DNAH14: variants seen among roughly 807,000 people sequenced by gnomAD.
DNAH14 encodes the protein dynein axonemal heavy chain 14.
DNAH14 carries 478 observed loss-of-function variants against 520.9 expected under a neutral mutation model. The observed-to-expected ratio is 0.92, with a 90% confidence interval of 0.85 to 0.99. The LOEUF is 0.99. Among genes scored for constraint, DNAH14 ranks in the 50% least tolerant of loss-of-function variants. DNAH14 has a pLI of 0.00. For synonymous variants in DNAH14, 1,581 were observed against 1,757.2 expected, an observed-to-expected ratio of 0.90 and a Z score of 2.51; for missense variants, 4,831 against 5,234.5, an observed-to-expected ratio of 0.92 and a Z score of 2.38.
chr1:225,015,280 T>C (rs539885881), intron 10 of DNAH14, among the ~76,000 whole-genome samples: 10 of 152,220 alleles, frequency 6.6e-5, no homozygotes, highest in Non-Finnish European at 1.3e-4. Context: ...AGAAATGTAA[T>C]TCATTTACTT....
intron 78 of DNAH14, 135 bp downstream of exon 78, chr1:225,375,020 G>T (rs2095678408): frequency 1.4e-5 from 11 of 785,540 alleles, no homozygotes; most frequent in African/African-American, 1.7e-5. Flanking sequence ...TAGTATGGAA[G>T]TAATTTACCC....
chr1:225,338,043 G>C lies in DNAH14; in HGVS notation c.10312-18G>C. ...TTTTAAGATGATTTTTCTTATTTTT[G>C]TCTATTGGGTTTTTCAGAATCTCCT... On this transcript the variant is annotated intron_variant, in intron 67 of 85. Coordinates refer to ENST00000682510, the MANE Select transcript of DNAH14 (RefSeq NM_001367479.1). 1 of 1,426,542 alleles carries C rather than the reference G, an allele frequency of 7.0e-7. No homozygotes were observed. The allele number at this position is 1,426,542 out of a possible 1,614,324, so 88.4% of individuals were successfully genotyped here.
Position 225,265,367 on chromosome 1 carries a change from C to G in DNAH14, c.7408C>G (p.Arg2470Gly). 1 of 1,531,604 alleles carries G rather than the reference C, an allele frequency of 6.5e-7. No homozygotes were observed. The highest frequency in any genetic ancestry group is 8.8e-7 in the Non-Finnish European group (1 of 1,141,526). 94.9% of individuals were successfully genotyped at this position (1,531,604 alleles called of 1,614,324 possible). A position where few individuals can be genotyped will look rare whatever the true frequency, so the allele number is the denominator to read the frequency against. The change falls in exon 48 of 86, where the codon CGG becomes GGG. Residue 2470 changes from arginine to glycine, a missense_variant and splice_region_variant. Transcript: ENST00000682510. ...KDTLGAPKNN[R>G]ILIFIDDMNM... ...TACTCTTGGAGCACCAAAAAACAAC[C>G]GGGTAAAACACCTCTCATACCTGTT...
chr1:225,044,728 C>T (rs748429094), intron 15 of DNAH14, among the ~76,000 whole-genome samples: 6 of 152,070 alleles, frequency 3.9e-5, no homozygotes, highest in Non-Finnish European at 5.9e-5. Flanking sequence ...TGCATAAGAA[C>T]ATGGGTTTGT....
At chr1:225,005,741 A>G (rs2064119727) in intron 9 of DNAH14, among the ~76,000 whole-genome samples, 1 of 152,258 alleles carries the variant, frequency 6.6e-6, no homozygotes, top group African/African-American at 2.4e-5. Context: ...TTATTAATGA[A>G]AATGTATTTT....
chr1:225,392,569 C>A (rs574868267), intron 84 of DNAH14, 118 bp downstream of exon 84: 6 of 1,258,030 alleles, frequency 4.8e-6, no homozygotes, highest in Non-Finnish European at 5.4e-6. Context: ...AGGCACTAGA[C>A]AGGCAGATCA....
chr1:225,247,550 C>T (rs1485661695), intron 43 of DNAH14, among the ~76,000 whole-genome samples: 1 of 152,138 alleles, frequency 6.6e-6, no homozygotes, highest in African/African-American at 2.4e-5. Context: ...AAGAATCTCT[C>T]ATTCTGGAGG....
At position 225,156,795 on chromosome 1, in the gene DNAH14, A is replaced by G. The variant is rs1341510726; in HGVS notation, c.5274-2519A>G. Among the ~76,000 whole-genome samples the G allele has an allele frequency of 2.0e-5, 2 of 100,890 alleles. 1 individual carries two copies. Among genetic ancestry groups the G allele is most frequent in the Non-Finnish European group, 3.8e-5 (2 of 52,692 alleles). The allele number at this position is 100,890 out of a possible 152,430, so 66.2% of individuals were successfully genotyped here. ...AGTGGCGGGATCTCGGCTCACTGCAAGCTCCGCCTCCCGGGTTCACGCCAT... is the reference window on the plus strand; with the variant it reads ...AGTGGCGGGATCTCGGCTCACTGCAGGCTCCGCCTCCCGGGTTCACGCCAT... On this transcript the variant is annotated intron_variant, in intron 34 of 85. Transcript: ENST00000682510.
chr1:225,152,697 A>T lies in DNAH14; in HGVS notation c.5010A>T (p.Arg1670Ser), dbSNP rs2080618305. 5 of 1,535,336 alleles carry T rather than the reference A, an allele frequency of 3.3e-6. No individual in the cohort carries two copies. Among genetic ancestry groups the T allele is most frequent in the Admixed American group, 4.3e-5 (2 of 46,608 alleles). ...TGTTTGTTTTTCTTTTCCTCTTCAG[A>T]TACGGAGGTGGAGTAGAGCTCCCAG... ...SCAVFITMNP[R>S]YGGGVELPDN... Residue 1670 changes from arginine (R) to serine (S), a missense_variant and splice_region_variant, in exon 33 of 86, where the codon AGA (arginine) becomes AGT (serine). Transcript: ENST00000682510.
intron 2 of DNAH14, among the ~76,000 whole-genome samples, chr1:224,954,306 G>C (rs2125511669): frequency 6.6e-6 from 1 of 152,140 alleles, no homozygotes; most frequent in South Asian, 2.1e-4. Context: ...CCTTCTTAAT[G>C]ATATAAGTAT....
At chr1:225,147,844 G>A (rs146186779) in intron 31 of DNAH14, among the ~76,000 whole-genome samples, 22 of 152,178 alleles carry the variant, frequency 1.4e-4, no homozygotes, top group Non-Finnish European at 2.9e-4. Flanking sequence ...AAGTCCATGT[G>A]TTCTCATCAC....
chr1:225,070,694 G>A lies in DNAH14; in HGVS notation c.2425-8513G>A, dbSNP rs145930888. ...GAAGTATATTCTATTGTTTTTGTGT[G>A]GAGAGTTCTGTGGGTATGTCTCAGG... On this transcript the variant is annotated intron_variant, in intron 17 of 85. Coordinates refer to ENST00000682510, the MANE Select transcript of DNAH14 (RefSeq NM_001367479.1). Among the ~76,000 whole-genome samples the A allele has an allele frequency of 1.1e-3, 165 of 152,248 alleles. 3 individuals carry two copies. Among genetic ancestry groups the A allele is most frequent in the Middle Eastern group, 3.4e-3 (1 of 294 alleles).
Position 225,346,138 on chromosome 1 carries a change from G to C in DNAH14, c.10855G>C (p.Asp3619His). The C allele has an allele frequency of 6.4e-7, 1 of 1,551,656 alleles. No individual in the cohort carries two copies. Among genetic ancestry groups the C allele is most frequent in the South Asian group, 1.2e-5 (1 of 84,040 alleles). Residue 3619 changes from aspartate to histidine, a missense_variant, in exon 70 of 86, where the codon GAT becomes CAT. By Grantham distance (81) the Asp-to-His change is moderately conservative. Coordinates refer to ENST00000682510, the MANE Select transcript of DNAH14 (RefSeq NM_001367479.1). ...RGALLYFLVA[D>H]LTQINYMYQF... ...CGCCCTGCTCTACTTCCTAGTAGCT[G>C]ATCTCACACAAATCAACTACATGTA...
chr1:225,296,336 C>T (rs909703710), intron 55 of DNAH14, among the ~76,000 whole-genome samples: 11 of 152,050 alleles, frequency 7.2e-5, no homozygotes, highest in Non-Finnish European at 1.3e-4. Context: ...CTGAGATTAT[C>T]GGGGTCAAAC....
At chr1:225,087,769 T>C (rs1172702934) in intron 21 of DNAH14, among the ~76,000 whole-genome samples, 2 of 152,104 alleles carry the variant, frequency 1.3e-5, no homozygotes, top group African/African-American at 4.8e-5. Flanking sequence ...ACAGAGATCT[T>C]CATAGATTTG....
chr1:225,368,092 C>A, intron 77 of DNAH14, 60 bp downstream of exon 77: 1 of 1,364,350 alleles, frequency 7.3e-7, no homozygotes, highest in Non-Finnish European at 9.9e-7. Flanking sequence ...AAATTGAGAG[C>A]CTACTATGTG....
Position 225,117,866 on chromosome 1 carries a change from GT to G in DNAH14, c.3973-12del, listed in dbSNP as rs1278406714. ...CAATTCAATAATATTACTGACATTT[GT>G]TTCTGGTTCACAGCCTCATCTTGTG... On this transcript the variant is annotated splice_polypyrimidine_tract_variant and intron_variant, in intron 24 of 85. Transcript: ENST00000682510. 6.5e-7 allele frequency: 1 copy of G among 1,530,378 alleles called. No homozygotes were observed. Among genetic ancestry groups the G allele is most frequent in the African/African-American group, 1.4e-5 (1 of 72,442 alleles). The allele number at this position is 1,530,378 out of a possible 1,614,324, so 94.8% of individuals were successfully genotyped here. A position where few individuals can be genotyped will look rare whatever the true frequency, so the allele number is the denominator to read the frequency against.
intron 4 of DNAH14, among the ~76,000 whole-genome samples, chr1:224,962,285 C>T (rs1202039429): frequency 6.6e-6 from 1 of 152,068 alleles, no homozygotes; most frequent in Non-Finnish European, 1.5e-5. Context: ...AAGGGATTTT[C>T]AGATGTATTT....
intron 55 of DNAH14, among the ~76,000 whole-genome samples, 152 bp from the exon 56 acceptor site, chr1:225,300,717 G>C (rs1213094884): frequency 6.6e-6 from 1 of 151,498 alleles, no homozygotes; most frequent in Non-Finnish European, 1.5e-5. Context: ...AAAAAAAGGT[G>C]GGGGGTGGGG....
Sources: gnomAD v4.1 joint callset for allele counts (sites outside exome capture counted in the v4.1 genomes callset) on GRCh38, gnomAD v4.1.1 for gene constraint, MANE v1.5 for transcripts, NCBI Gene and HGNC (gene_info 2026-07-23, HGNC 2026-07-21) for gene names.